The following CASP9 variants were observed in gnomAD, a reference collection of about 807,000 sequenced individuals.
The protein encoded by CASP9 is caspase 9.
A neutral mutation model predicts 43.5 loss-of-function variants in CASP9; 29 were observed. That is an observed-to-expected ratio of 0.67 (90% CI 0.50 to 0.91). The LOEUF (loss-of-function observed/expected upper bound fraction) is 0.91. Ranked by LOEUF, CASP9 falls within the 40% of genes least tolerant of loss-of-function variation. The pLI is 0.00. For missense variants in CASP9, 575 were observed against 537.4 expected (o/e 1.07, Z -0.69); for synonymous variants, 206 against 211.9 (o/e 0.97, Z 0.24).
At chr1:15,508,851 C>A (rs1315727948) in intron 2 of CASP9, among the ~76,000 whole-genome samples, 3 of 152,230 alleles carry the variant, frequency 2.0e-5, no homozygotes, top group African/African-American at 7.2e-5. Flanking sequence ...CAGATATACT[C>A]AGCAAAGAGG....
chr1:15,517,750 C>A (rs1291758110), intron 2 of CASP9, among the ~76,000 whole-genome samples: 1 of 151,954 alleles, frequency 6.6e-6, no homozygotes, highest in Non-Finnish European at 1.5e-5. Context: ...TGTCTCCTGC[C>A]CCCAGACATG....
chr1:15,504,479 G>A (rs4646053), intron 6 of CASP9, 132 bp downstream of exon 6: 5 of 867,266 alleles, frequency 5.8e-6, no homozygotes, highest in African/African-American at 3.4e-5. Flanking sequence ...TGCCAAAAAG[G>A]GACCATGTGT....
At chr1:15,493,835 G>C in intron 8 of CASP9, 57 bp downstream of exon 8, 1 of 1,549,372 alleles carries the variant, frequency 6.5e-7, no homozygotes, top group Non-Finnish European at 8.7e-7. Flanking sequence ...AGCCCCAGGA[G>C]GACACGCTGC....
At chr1:15,507,747 A>AC (rs1296149156) in intron 3 of CASP9, 126 bp downstream of exon 3, 2 of 824,774 alleles carry the variant, frequency 2.4e-6, no homozygotes, top group East Asian at 4.9e-5. Context: ...CTGAGACCAG[A>AC]CCCCCACTGC....
At chr1:15,497,237 G>C (rs1709134510) in intron 6 of CASP9, among the ~76,000 whole-genome samples, 1 of 151,068 alleles carries the variant, frequency 6.6e-6, no homozygotes, top group South Asian at 2.1e-4. Flanking sequence ...CTTGAATCCA[G>C]GAGGCGGAGG....
At chr1:15,493,485 G>A (rs754240376) in intron 8 of CASP9, 5 of 1,295,832 alleles carry the variant, frequency 3.9e-6, no homozygotes, top group East Asian at 3.1e-5. Flanking sequence ...CTGAGAAGGC[G>A]ATGTACAAGG....
intron 2 of CASP9, among the ~76,000 whole-genome samples, chr1:15,515,158 C>T (rs2103367820): frequency 6.6e-6 from 1 of 152,338 alleles, no homozygotes; most frequent in Admixed American, 6.5e-5. Flanking sequence ...CAAATTCTGA[C>T]TGTTGGTCCT....
chr1:15,500,239 A>G (rs1709271537), intron 6 of CASP9, among the ~76,000 whole-genome samples: 1 of 152,142 alleles, frequency 6.6e-6, no homozygotes, highest in East Asian at 1.9e-4. Context: ...CTGCAAAAAC[A>G]CTCCTGGAGA....
chr1:15,518,259 C>T lies in CASP9; in HGVS notation c.269G>A (p.Arg90Gln), dbSNP rs150928739. 5.6e-5 allele frequency: 91 copies of T among 1,614,040 alleles called. No homozygotes were observed. The highest frequency in any genetic ancestry group is 3.6e-4 in the South Asian group (33 of 91,086). ...TGQDMLASFL[R>Q]TNRQAAKLSK... Reference sequence around the variant, plus strand: ...CAACTTTGCTGCTTGCCTGTTAGTTCGCAGAAACGAAGCCAGCATGTCCTG... The same window carrying T: ...CAACTTTGCTGCTTGCCTGTTAGTTTGCAGAAACGAAGCCAGCATGTCCTG... The change falls in exon 2 of 9, where the codon CGA becomes CAA. Residue 90 changes from arginine to glutamine, a missense_variant. Physicochemically the swap from Arg to Gln is conservative, Grantham distance 43 (BLOSUM62 1). Transcript: ENST00000333868.
Position 15,494,046 on chromosome 1 carries a change from C to T in CASP9, c.1049-45G>A, listed in dbSNP as rs529090390. 5.8e-5 allele frequency: 89 copies of T among 1,539,500 alleles called. 1 individual carries two copies. The East Asian group carries it at 1.4e-3, about 24-fold the overall frequency. On this transcript the variant is annotated intron_variant, in intron 7 of 8. Transcript: ENST00000333868. ...GAACACTGCTGGAGAGCCACCCCTC[C>T]GCCGGCTCCCCACCACCCCTCTGGC...
chr1:15,495,424 G>A lies in CASP9; in HGVS notation c.897C>T (p.Ala299=), dbSNP rs1179736785. 6.2e-7 allele frequency: 1 copy of A among 1,603,404 alleles called. No homozygotes were observed. The highest frequency in any genetic ancestry group is 1.7e-5 in the Admixed American group (1 of 58,334). The change falls in exon 7 of 9, where the codon GCC becomes GCT. Residue 299 remains alanine, a synonymous_variant. Coordinates refer to ENST00000333868, the MANE Select transcript of CASP9 (RefSeq NM_001229.5). ...GGGACTCGTCTTCAGGGGAAGTGGAGGCCACCTCAAACCCATGGTCTTTCT... is the reference window on the plus strand; with the variant it reads ...GGGACTCGTCTTCAGGGGAAGTGGAAGCCACCTCAAACCCATGGTCTTTCT... ...GEQKDHGFEV[A]STSPEDESPG... is the part of the protein sequence containing the mutation.
At chr1:15,524,438 A>G, upstream of CASP9, 2 of 1,094,608 alleles carry the variant, frequency 1.8e-6, no homozygotes, top group East Asian at 5.1e-5. Flanking sequence ...CCCCGCCCCC[A>G]GGGCCAAGCC....
At chr1:15,511,719 A>G (rs1342342152) in intron 2 of CASP9, among the ~76,000 whole-genome samples, 1 of 152,146 alleles carries the variant, frequency 6.6e-6, no homozygotes, top group Non-Finnish European at 1.5e-5. Context: ...AGATACCTTT[A>G]TCAATGCCTG....
At chr1:15,520,181 C>T (rs1190871767) in intron 1 of CASP9, among the ~76,000 whole-genome samples, 7 of 152,138 alleles carry the variant, frequency 4.6e-5, no homozygotes, top group Non-Finnish European at 8.8e-5. Context: ...CTATGAGAAC[C>T]TTCCGTGATG....
intron 7 of CASP9, among the ~76,000 whole-genome samples, chr1:15,494,862 C>CAA (rs563954013): frequency 0.31 from 13,701 of 43,964 alleles, 2,335 homozygotes; most frequent in African/African-American, 0.38. Context: ...GATTCCATCT[C>CAA]AAAAAAAAAA....
In CASP9 at chr1:15,507,813, G is replaced by A. The variant is rs538917536; in HGVS notation, c.453+60C>T. Reference sequence around the variant, plus strand: ...GACACACCTGCAGGGAAGGACCTGAGGGGTGGGGAGGGAAGGGCCCAGAGC... The same window carrying A: ...GACACACCTGCAGGGAAGGACCTGAAGGGTGGGGAGGGAAGGGCCCAGAGC... On this transcript the variant is annotated intron_variant, in intron 3 of 8. Coordinates refer to ENST00000333868, the MANE Select transcript of CASP9 (RefSeq NM_001229.5). The A allele has an allele frequency of 1.8e-5, 28 of 1,542,440 alleles. 1 individual carries two copies. The Middle Eastern group carries it at 7.3e-4, about 40-fold the overall frequency.
intron 4 of CASP9, 37 bp downstream of exon 4, chr1:15,506,862 C>T: frequency 2.6e-6 from 4 of 1,548,182 alleles, no homozygotes; most frequent in South Asian, 1.1e-5. Context: ...CACCCACTGC[C>T]CCCCACCCTG....
intron 4 of CASP9, 139 bp downstream of exon 4, chr1:15,506,760 C>T (rs1709539210): frequency 7.3e-6 from 5 of 682,952 alleles, no homozygotes; most frequent in East Asian, 5.3e-5. Context: ...AACCTGTAGC[C>T]GCTGGGCCGT....
At chr1:15,519,893 C>T (rs1409483342) in intron 1 of CASP9, 1 of 152,634 alleles carries the variant, frequency 6.6e-6, no homozygotes, top group Non-Finnish European at 1.5e-5. Flanking sequence ...GTAGTCCCAG[C>T]TACTCAGGAG....
Sources: allele counts gnomAD v4.1 joint callset (sites outside exome capture counted in the v4.1 genomes callset), GRCh38; gene constraint gnomAD v4.1.1; transcripts MANE v1.5; gene names NCBI Gene and HGNC (gene_info 2026-07-23, HGNC 2026-07-21).